RNF38: variants seen among roughly 807,000 people sequenced by gnomAD.
RNF38 encodes the protein E3 ubiquitin-protein ligase RNF38.
RNF38 carries 15 observed loss-of-function variants against 67.2 expected under a neutral mutation model. The ratio of observed to expected loss-of-function variants is 0.22; its 90% CI spans 0.15 to 0.34. The LOEUF (loss-of-function observed/expected upper bound fraction) is 0.34. Ranked by LOEUF, RNF38 falls within the 10% of genes least tolerant of loss-of-function variation. RNF38 has a pLI of 1.00. For synonymous variants in RNF38, 220 were observed against 218.8 expected (o/e 1.01, Z -0.05); for missense variants, 524 against 639.9 (o/e 0.82, Z 1.95).
intron 1 of RNF38, among the ~76,000 whole-genome samples, chr9:36,451,367 A>G (rs1458463930): frequency 6.6e-6 from 1 of 151,576 alleles, no homozygotes; most frequent in Non-Finnish European, 1.5e-5. Context: ...CAGGAGGCTG[A>G]GACAGGAGAA....
At chr9:36,481,806 T>C (rs971963073) in intron 1 of RNF38, among the ~76,000 whole-genome samples, 2 of 151,842 alleles carry the variant, frequency 1.3e-5, no homozygotes, top group African/African-American at 4.8e-5. Context: ...CCCCCTCCTC[T>C]CTCTCCAAGA....
chr9:36,487,571 C>G, upstream of RNF38: 1 of 976,960 alleles, frequency 1.0e-6, no homozygotes, highest in Non-Finnish European at 1.2e-6. Context: ...GGCGGGGCCG[C>G]GAGCAGCGGC....
intron 2 of RNF38, among the ~76,000 whole-genome samples, chr9:36,389,339 G>A (rs1288967158): frequency 3.9e-5 from 4 of 101,998 alleles, no homozygotes; most frequent in Non-Finnish European, 6.1e-5. Flanking sequence ...ATGGAGAAAA[G>A]TATCCAAAAA....
intron 9 of RNF38, among the ~76,000 whole-genome samples, chr9:36,349,761 G>GTT (rs1833562187): frequency 6.6e-6 from 1 of 151,954 alleles, no homozygotes; most frequent in Non-Finnish European, 1.5e-5. Flanking sequence ...CAGGTAGTAA[G>GTT]TTTAGGTCTT....
chr9:36,375,395 T>C (rs1161018384), intron 3 of RNF38, among the ~76,000 whole-genome samples: 1 of 152,168 alleles, frequency 6.6e-6, no homozygotes, highest in African/African-American at 2.4e-5. Flanking sequence ...TCTTGCTATG[T>C]TGCCCAGGCT....
intron 1 of RNF38, among the ~76,000 whole-genome samples, chr9:36,395,006 C>G (rs1837410899): frequency 6.6e-6 from 1 of 152,274 alleles, no homozygotes; most frequent in African/African-American, 2.4e-5. Flanking sequence ...TCTGCAACTC[C>G]CAAAACTTAT....
intron 1 of RNF38, among the ~76,000 whole-genome samples, chr9:36,433,705 A>T (rs1838990175): frequency 6.6e-6 from 1 of 150,930 alleles, no homozygotes; most frequent in African/African-American, 2.4e-5. Context: ...AAAAAAAAAG[A>T]AAGAAAATAT....
chr9:36,435,374 CGA>C (rs1014126793), intron 1 of RNF38, among the ~76,000 whole-genome samples: 13 of 151,854 alleles, frequency 8.6e-5, no homozygotes, highest in African/African-American at 2.7e-4. Flanking sequence ...AAGGCAAACA[CGA>C]GAGTAGTAAT....
intron 4 of RNF38, among the ~76,000 whole-genome samples, chr9:36,359,908 C>G (rs1051856530): frequency 2.3e-5 from 3 of 132,410 alleles, no homozygotes; most frequent in African/African-American, 8.2e-5. Flanking sequence ...GCCACTACAC[C>G]TGGCTTTTTT....
At position 36,357,894 on chromosome 9, in the gene RNF38, G is replaced by A. The variant is rs2133586174; in HGVS notation, c.619C>T (p.Pro207Ser). 3 of 1,613,878 alleles carry A rather than the reference G, an allele frequency of 1.9e-6. No individual in the cohort carries two copies. Among genetic ancestry groups the A allele is most frequent in the Non-Finnish European group, 2.5e-6 (3 of 1,179,802 alleles). Residue 207 changes from proline to serine, a missense_variant, in exon 5 of 12, where the codon CCA becomes TCA. Coordinates refer to ENST00000259605, the MANE Select transcript of RNF38 (RefSeq NM_022781.5). ...PVSYTVTTVA[P>S]HGIPLCTGQH... The stretch of plus-strand genomic sequence containing the variant: ...CCTGTGCAGAGTGGAATCCCATGTG[G>A]TGCCACTGTTGTTACTGTGTAAGAA...
upstream of RNF38, chr9:36,400,449 C>A: frequency 9.4e-7 from 1 of 1,064,686 alleles, no homozygotes. Context: ...GCCGGGCGGC[C>A]GAGGCAAACC....
intron 1 of RNF38, among the ~76,000 whole-genome samples, chr9:36,392,604 A>T (rs891962455): frequency 2.1e-4 from 32 of 152,224 alleles, no homozygotes; most frequent in South Asian, 6.2e-4. Flanking sequence ...AATAAAAATT[A>T]AAAAAATTAA....
intron 1 of RNF38, among the ~76,000 whole-genome samples, chr9:36,459,368 G>A (rs1839670582): frequency 6.6e-6 from 1 of 152,056 alleles, no homozygotes; most frequent in Non-Finnish European, 1.5e-5. Flanking sequence ...AACACTTCCT[G>A]GGTATACTTA....
intron 1 of RNF38, among the ~76,000 whole-genome samples, chr9:36,467,244 T>TATAC (rs1179467377): frequency 1.1e-5 from 1 of 87,712 alleles, no homozygotes; most frequent in African/African-American, 3.9e-5. Context: ...TATATATATA[T>TATAC]ACACACACAC....
intron 10 of RNF38, among the ~76,000 whole-genome samples, chr9:36,342,865 C>T (rs998558834): frequency 1.3e-5 from 2 of 152,100 alleles, no homozygotes; most frequent in African/African-American, 4.8e-5. Context: ...TTGGAGATGA[C>T]ATTAAAAGCA....
intron 2 of RNF38, among the ~76,000 whole-genome samples, chr9:36,379,936 T>C (rs1202229147): frequency 2.0e-5 from 3 of 152,208 alleles, no homozygotes; most frequent in African/African-American, 7.2e-5. Flanking sequence ...GAAGATTACA[T>C]TCACTTTTCC....
chr9:36,414,333 T>C (rs1421435034), intron 2 of RNF38, among the ~76,000 whole-genome samples: 1 of 152,226 alleles, frequency 6.6e-6, no homozygotes, highest in Non-Finnish European at 1.5e-5. Flanking sequence ...TATTGTTTTA[T>C]AGGCCCCGTG....
intron 1 of RNF38, among the ~76,000 whole-genome samples, chr9:36,439,610 G>C (rs892820025): frequency 5.3e-5 from 8 of 151,840 alleles, no homozygotes; most frequent in Non-Finnish European, 8.8e-5. Context: ...TTAAAGACTA[G>C]CCTGACCAAC....
intron 2 of RNF38, among the ~76,000 whole-genome samples, chr9:36,376,726 G>A (rs1835814272): frequency 6.6e-6 from 1 of 152,040 alleles, no homozygotes. Flanking sequence ...AGGAGTTCGA[G>A]ACCGGCCTGG....
Sources: allele counts gnomAD v4.1 joint callset (sites outside exome capture counted in the v4.1 genomes callset), GRCh38; gene constraint gnomAD v4.1.1; transcripts MANE v1.5; gene names NCBI Gene and HGNC (gene_info 2026-07-23, HGNC 2026-07-21).